Variants in RNF38 observed in about 807,000 individuals in gnomAD.
RNF38 encodes the protein ring finger protein 38, also known as E3 ubiquitin-protein ligase RNF38.
A neutral mutation model predicts 67.2 loss-of-function variants in RNF38; 15 were observed. The ratio of observed to expected loss-of-function variants is 0.22; its 90% confidence interval spans 0.15 to 0.34. The LOEUF is 0.34. Among genes scored for constraint, RNF38 ranks in the 10% least tolerant of loss-of-function variants. The pLI is 1.00. For synonymous variants in RNF38, 220 were observed against 218.8 expected, an observed-to-expected ratio of 1.01 and a Z score of -0.05; for missense variants, 524 against 639.9, an observed-to-expected ratio of 0.82 and a Z score of 1.95.
intron 1 of RNF38, among the ~76,000 whole-genome samples, chr9:36,478,272 C>T (rs1212874428): frequency 4.0e-5 from 6 of 151,020 alleles, no homozygotes; most frequent in African/African-American, 9.7e-5. Context: ...GGCGTGGTAG[C>T]GGGCATCTGT....
At chr9:36,472,203 G>T (rs918506275) in intron 1 of RNF38, among the ~76,000 whole-genome samples, 4 of 152,118 alleles carry the variant, frequency 2.6e-5, no homozygotes, top group Non-Finnish European at 4.4e-5. Flanking sequence ...TAAACCTAAG[G>T]TTATTTTAAA....
rs924500781 is a variant in RNF38 at position 36,344,942 on chromosome 9, G to A, written c.1275C>T (p.Asn425=). ...GEVENYEALL[N]LAERLGEAKP... ...TTGCCTCTCCCAGTCGCTCTGCCAG[G>A]TTTAACAGGGCCTGCAGCGGTAAAA... Residue 425 remains asparagine (N), a synonymous_variant, in exon 10 of 12, where the codon AAC becomes AAT. Transcript: ENST00000259605. The A allele has an allele frequency of 5.0e-6, 8 of 1,612,774 alleles. No homozygotes were observed. The highest frequency in any genetic ancestry group is 6.8e-6 in the Non-Finnish European group (8 of 1,179,110).
chr9:36,398,730 C>T (rs1473131352), intron 1 of RNF38, among the ~76,000 whole-genome samples: 1 of 152,104 alleles, frequency 6.6e-6, no homozygotes, highest in Non-Finnish European at 1.5e-5. Context: ...AAAACAAACA[C>T]AACGCAACAA....
Position 36,434,405 on chromosome 9 carries a change from A to G in RNF38, n.242-9722T>C, listed in dbSNP as rs565167050. Among the ~76,000 whole-genome samples the G allele has an allele frequency of 8.2e-4, 123 of 150,908 alleles. 1 individual carries two copies. Among genetic ancestry groups the G allele is most frequent in the Non-Finnish European group, 6.8e-4 (46 of 67,714 alleles). ...AGGGGAAGGACTTTTATTTTTTGAG[A>G]TGGAGTTTTGCTCTTGTTGCCCAGG... On this transcript the variant is annotated intron_variant and non_coding_transcript_variant, in intron 1 of 3. Coordinates refer to the RNF38 transcript ENST00000488058.
At chr9:36,440,740 T>C (rs1021640898) in intron 1 of RNF38, among the ~76,000 whole-genome samples, 1 of 152,230 alleles carries the variant, frequency 6.6e-6, no homozygotes, top group Admixed American at 6.5e-5. Context: ...TTGATCTATT[T>C]TGTATTGTTT....
chr9:36,469,219 T>C (rs1839936410), intron 1 of RNF38, among the ~76,000 whole-genome samples: 1 of 152,186 alleles, frequency 6.6e-6, no homozygotes, highest in Non-Finnish European at 1.5e-5. Flanking sequence ...GGTTTACTGT[T>C]GGCCCTTTCT....
intron 2 of RNF38, among the ~76,000 whole-genome samples, chr9:36,378,169 CTTTT>C (rs35057784): frequency 6.1e-5 from 7 of 114,868 alleles, no homozygotes; most frequent in Admixed American, 1.0e-4. Context: ...TTAACACTGA[CTTTT>C]TTTTTTTTTT....
intron 1 of RNF38, among the ~76,000 whole-genome samples, chr9:36,450,141 T>A (rs1839402042): frequency 6.6e-6 from 1 of 152,270 alleles, no homozygotes; most frequent in East Asian, 1.9e-4. Context: ...TGAACCTAAC[T>A]CTTCGAAACC....
In RNF38 at chr9:36,414,131, G is replaced by C. The variant is rs369712073; in HGVS notation, n.312+10482C>G. Among the ~76,000 whole-genome samples the C allele has an allele frequency of 3.9e-5, 6 of 152,236 alleles. No homozygotes were observed. The South Asian group carries it at 1.0e-3, about 26-fold the overall frequency. ...ACTCCTTTACCTTATGTTTATGTGA[G>C]TCCTTATGTGTTAGGTGAGTCTCTT... On this transcript the variant is annotated intron_variant and non_coding_transcript_variant, in intron 2 of 3. Coordinates refer to the RNF38 transcript ENST00000488058.
intron 2 of RNF38, among the ~76,000 whole-genome samples, chr9:36,422,589 T>G (rs1202568062): frequency 6.6e-6 from 1 of 152,216 alleles, no homozygotes; most frequent in South Asian, 2.1e-4. Flanking sequence ...AAGTACTACT[T>G]GCTGACTGAA....
chr9:36,470,773 C>A (rs1460001019), intron 1 of RNF38, among the ~76,000 whole-genome samples: 2 of 152,166 alleles, frequency 1.3e-5, no homozygotes, highest in Non-Finnish European at 2.9e-5. Context: ...CTAGCCCCCA[C>A]TTCCATGCAG....
chr9:36,381,714 C>G (rs1342713780), intron 2 of RNF38, among the ~76,000 whole-genome samples: 1 of 152,210 alleles, frequency 6.6e-6, no homozygotes, highest in Non-Finnish European at 1.5e-5. Flanking sequence ...GTCCTCACTT[C>G]AAGATATTCT....
upstream of RNF38, among the ~76,000 whole-genome samples, chr9:36,405,748 A>C (rs1489718872): frequency 3.5e-5 from 5 of 142,372 alleles, no homozygotes; most frequent in Non-Finnish European, 4.9e-5. Context: ...TATATATAAG[A>C]AAGATCTCAT....
At chr9:36,341,462 A>G (rs1444763828) in intron 11 of RNF38, among the ~76,000 whole-genome samples, 1 of 152,178 alleles carries the variant, frequency 6.6e-6, no homozygotes, top group Non-Finnish European at 1.5e-5. Flanking sequence ...TTTTTTTTAT[A>G]TAGTCATGGA....
rs1226373590 is a variant in RNF38 at position 36,369,249 on chromosome 9, T to A, written c.570+470A>T. 2.6e-5 allele frequency among the ~76,000 whole-genome samples: 4 copies of A among 152,374 alleles called. No individual in the cohort carries two copies. The East Asian group carries it at 5.8e-4, about 22-fold the overall frequency. Reference sequence around the variant, plus strand: ...CTTTCATAACCTTGATCCTTTTTTTTAATTTTTTGAGACGAAGTCTCGTTC... The same window carrying A: ...CTTTCATAACCTTGATCCTTTTTTTAAATTTTTTGAGACGAAGTCTCGTTC... On this transcript the variant is annotated intron_variant, in intron 4 of 11. Coordinates refer to ENST00000259605, the MANE Select transcript of RNF38 (RefSeq NM_022781.5).
chr9:36,360,793 C>G (rs1004166130), intron 4 of RNF38, among the ~76,000 whole-genome samples: 1 of 151,992 alleles, frequency 6.6e-6, no homozygotes, highest in Admixed American at 6.6e-5. Flanking sequence ...CAAATACCAC[C>G]CCCCTACCCC....
chr9:36,442,246 C>T (rs1839208639), intron 1 of RNF38, among the ~76,000 whole-genome samples: 1 of 152,166 alleles, frequency 6.6e-6, no homozygotes, highest in South Asian at 2.1e-4. Flanking sequence ...AAAACTCTAC[C>T]TCAATTCTGC....
chr9:36,351,477 G>A (rs1395929559), intron 8 of RNF38, among the ~76,000 whole-genome samples: 1 of 152,114 alleles, frequency 6.6e-6, no homozygotes, highest in Non-Finnish European at 1.5e-5. Flanking sequence ...TAAATTCCAT[G>A]CAATACCTAC....
chr9:36,360,313 A>G (rs1261317189), intron 4 of RNF38, among the ~76,000 whole-genome samples: 1 of 152,132 alleles, frequency 6.6e-6, no homozygotes, highest in Non-Finnish European at 1.5e-5. Flanking sequence ...GATAATTTTT[A>G]TCTATATTAT....
Sources: gnomAD v4.1 joint callset for allele counts (sites outside exome capture counted in the v4.1 genomes callset) on GRCh38, gnomAD v4.1.1 for gene constraint, MANE v1.5 for transcripts, NCBI Gene and HGNC (gene_info 2026-07-23, HGNC 2026-07-21) for gene names.